The following TACC2 variants were observed in gnomAD, a reference collection of about 807,000 sequenced individuals.
TACC2 encodes the protein transforming acidic coiled-coil containing protein 2.
A neutral mutation model predicts 227.3 loss-of-function variants in TACC2; 137 were observed. The ratio of observed to expected loss-of-function variants is 0.60; its 90% CI spans 0.52 to 0.69. The LOEUF (loss-of-function observed/expected upper bound fraction) is 0.69, where lower values mean the gene tolerates loss of function less well. TACC2 is among the 30% of genes least tolerant of loss of function. TACC2 has a pLI of 0.00. For missense variants in TACC2, 3,470 were observed against 3,694.4 expected (o/e 0.94, Z 1.57); for synonymous variants, 1,523 against 1,487.5 (o/e 1.02, Z -0.55).
At chr10:122,058,489 A>G (rs1370959095) in intron 3 of TACC2, among the ~76,000 whole-genome samples, 1 of 152,020 alleles carries the variant, frequency 6.6e-6, no homozygotes, top group East Asian at 1.9e-4. Context: ...GCTCACTGCA[A>G]CCTCCACCTC....
intron 1 of TACC2, among the ~76,000 whole-genome samples, chr10:122,003,592 G>T (rs1457102402): frequency 6.6e-6 from 1 of 151,928 alleles, no homozygotes; most frequent in Non-Finnish European, 1.5e-5. Context: ...CCGGATGTGG[G>T]CCAAGATAAC....
At chr10:122,080,225 GT>G (rs57690157) in intron 3 of TACC2, among the ~76,000 whole-genome samples, 117,766 of 127,686 alleles carry the variant, frequency 0.92, 54,044 homozygotes, top group East Asian at 0.95. Context: ...TTTTTTTTTT[GT>G]TTTTTTTTTG....
intron 7 of TACC2, among the ~76,000 whole-genome samples, chr10:122,172,022 C>T (rs2093498075): frequency 6.6e-6 from 1 of 152,152 alleles, no homozygotes; most frequent in South Asian, 2.1e-4. Flanking sequence ...AGAAAGCTGA[C>T]CCCTCCTGAG....
At chr10:122,074,081 C>CTTTTTTT (rs3981240) in intron 3 of TACC2, among the ~76,000 whole-genome samples, 1 of 132,182 alleles carries the variant, frequency 7.6e-6, no homozygotes, top group African/African-American at 2.9e-5. Flanking sequence ...CACCCGGCAT[C>CTTTTTTT]TTTTTTTTTT....
intron 1 of TACC2, among the ~76,000 whole-genome samples, chr10:122,006,483 A>AAATAAATAAATAAAC (rs1955173074): frequency 9.4e-6 from 1 of 106,476 alleles, no homozygotes; most frequent in Non-Finnish European, 2.3e-5. Context: ...AATAAATAAA[A>AAATAAATAAATAAAC]AATAGGATGC....
chr10:122,169,285 T>G (rs2093350432), intron 7 of TACC2, among the ~76,000 whole-genome samples: 2 of 152,248 alleles, frequency 1.3e-5, no homozygotes, highest in Non-Finnish European at 2.9e-5. Context: ...GAAACTCTTG[T>G]GTACCATGTC....
chr10:122,251,365 C>T (rs2096251549), intron 22 of TACC2, among the ~76,000 whole-genome samples: 1 of 152,178 alleles, frequency 6.6e-6, no homozygotes, highest in Admixed American at 6.5e-5. Flanking sequence ...GCAGTATCCT[C>T]AGAACGACAT....
intron 22 of TACC2, 44 bp downstream of exon 22, chr10:122,249,708 C>T: frequency 6.3e-7 from 1 of 1,580,318 alleles, no homozygotes. Flanking sequence ...CGGGCTGCTG[C>T]TCTCTGTGCT....
intron 1 of TACC2, among the ~76,000 whole-genome samples, chr10:122,005,278 G>A (rs758927658): frequency 1.3e-5 from 2 of 151,382 alleles, no homozygotes; most frequent in Non-Finnish European, 2.9e-5. Context: ...GAGATGGGGT[G>A]TCACCAGTTT....
intron 5 of TACC2, among the ~76,000 whole-genome samples, chr10:122,089,371 C>A (rs2080464748): frequency 6.6e-6 from 1 of 152,190 alleles, no homozygotes; most frequent in African/African-American, 2.4e-5. Context: ...CTGATTTAGT[C>A]TCCGAAGCAG....
chr10:121,997,809 C>A (rs1953735585), intron 1 of TACC2, among the ~76,000 whole-genome samples: 2 of 152,144 alleles, frequency 1.3e-5, no homozygotes. Context: ...CAATTATGTA[C>A]CCTTGGAGCA....
intron 11 of TACC2, 138 bp from the exon 12 acceptor site, chr10:122,224,588 A>G (rs2095586484): frequency 4.2e-6 from 3 of 719,576 alleles, no homozygotes; most frequent in African/African-American, 1.8e-5. Context: ...AGAAGTCTCT[A>G]GACAGTGGGC....
chr10:122,063,829 AATAC>A (rs1399010509), intron 3 of TACC2, among the ~76,000 whole-genome samples: 4 of 105,130 alleles, frequency 3.8e-5, no homozygotes, highest in African/African-American at 1.6e-4. Flanking sequence ...TATATTATAT[AATAC>A]ACACACACAC....
At chr10:122,002,652 G>A (rs377246236) in intron 1 of TACC2, among the ~76,000 whole-genome samples, 2 of 152,060 alleles carry the variant, frequency 1.3e-5, no homozygotes, top group African/African-American at 2.4e-5. Context: ...TTTCTCTATC[G>A]TTTTTCTGTG....
intron 5 of TACC2, among the ~76,000 whole-genome samples, chr10:122,121,452 G>C (rs913671594): frequency 2.0e-5 from 3 of 152,150 alleles, no homozygotes; most frequent in African/African-American, 7.2e-5. Flanking sequence ...GTGGGGTCAG[G>C]CTTGGGCAGT....
At position 122,087,219 on chromosome 10, in the gene TACC2, A is replaced by G. The variant is rs771124301; in HGVS notation, c.4719A>G (p.Arg1573=). ...PAATQELPVE[R]AAAFQVAPHS... ...CTACTCAGGAGCTCCCTGTGGAGAGAGCTGCTGCCTTCCAGGTGGCTCCCC... is the reference window on the plus strand; with the variant it reads ...CTACTCAGGAGCTCCCTGTGGAGAGGGCTGCTGCCTTCCAGGTGGCTCCCC... The change falls in exon 4 of 23, where the codon AGA becomes AGG. Residue 1573 remains arginine (R), a synonymous_variant. Coordinates refer to ENST00000369005, the MANE Select transcript of TACC2 (RefSeq NM_206862.4). 3.1e-6 allele frequency: 5 copies of G among 1,613,054 alleles called. No individual in the cohort carries two copies. The highest frequency in any genetic ancestry group is 4.2e-6 in the Non-Finnish European group (5 of 1,179,688).
intron 18 of TACC2, among the ~76,000 whole-genome samples, chr10:122,239,471 C>G (rs1317244613): frequency 4.6e-5 from 7 of 152,242 alleles, no homozygotes; most frequent in Non-Finnish European, 1.5e-5. Context: ...CTGTGACCAC[C>G]TCTGGACATT....
Position 122,185,186 on chromosome 10 carries a change from CT to C in TACC2, c.5835-9839del, listed in dbSNP as rs761611487. On this transcript the variant is annotated intron_variant, in intron 7 of 22. Coordinates refer to ENST00000369005, the MANE Select transcript of TACC2 (RefSeq NM_206862.4). The stretch of plus-strand genomic sequence containing the variant: ...TGGCCTATCACATACTCTTTTCTTT[CT>C]TTTTTTTTTTTTTTGAGATGGAGTT... Among the ~76,000 whole-genome samples, 990 of 138,382 alleles carry C rather than the reference CT, an allele frequency of 7.2e-3. 12 individuals are homozygous for C. The highest frequency in any genetic ancestry group is 0.018 in the African/African-American group (695 of 37,990). 90.8% of individuals were successfully genotyped at this position (138,382 alleles called of 152,430 possible).
At chr10:122,203,159 T>C (rs1646123906) in intron 8 of TACC2, among the ~76,000 whole-genome samples, 1 of 152,248 alleles carries the variant, frequency 6.6e-6, no homozygotes, top group Non-Finnish European at 1.5e-5. Flanking sequence ...TGGCCCGTTC[T>C]CAACGAGCTG....
Sources: allele counts gnomAD v4.1 joint callset (sites outside exome capture counted in the v4.1 genomes callset), GRCh38; gene constraint gnomAD v4.1.1; transcripts MANE v1.5; gene names NCBI Gene and HGNC (gene_info 2026-07-23, HGNC 2026-07-21).